RAB18: variants seen among roughly 807,000 people sequenced by gnomAD.
RAB18 encodes RAB18, member RAS oncogene family.
In RAB18, 10 loss-of-function variants were observed where a neutral mutation model predicts 28.5. The ratio of observed to expected loss-of-function variants is 0.35; its 90% CI spans 0.22 to 0.60. The LOEUF (loss-of-function observed/expected upper bound fraction) is 0.60, where lower values mean the gene tolerates loss of function less well. Among genes scored for constraint, RAB18 ranks in the 20% least tolerant of loss-of-function variants. RAB18 has a pLI of 0.78. For missense variants in RAB18, 188 were observed against 244.2 expected (o/e 0.77, Z 1.53); for synonymous variants, 93 against 86.9 (o/e 1.07, Z -0.39).
chr10:27,521,623 C>T (rs983481158), intron 2 of RAB18, among the ~76,000 whole-genome samples: 2 of 152,068 alleles, frequency 1.3e-5, no homozygotes, highest in African/African-American at 4.8e-5. Context: ...TGTATGTTCT[C>T]ATTTATAAGT....
chr10:27,506,061 G>C (rs979195743), intron 1 of RAB18, among the ~76,000 whole-genome samples: 1 of 152,080 alleles, frequency 6.6e-6, no homozygotes, highest in Non-Finnish European at 1.5e-5. Context: ...AAAGTTAAAC[G>C]TTGTCTTAAT....
chr10:27,506,807 C>G (rs1207725514), intron 1 of RAB18, among the ~76,000 whole-genome samples: 1 of 152,110 alleles, frequency 6.6e-6, no homozygotes. Context: ...ATCAGTCTCC[C>G]TAGTTCATGC....
At chr10:27,509,727 C>T (rs1834287265) in intron 1 of RAB18, 148 bp from the exon 2 acceptor site, 1 of 710,284 alleles carries the variant, frequency 1.4e-6, no homozygotes, top group Non-Finnish European at 2.5e-6. Context: ...TCTGTGTATA[C>T]CTGCTCTGAG....
chr10:27,520,625 T>C (rs1335673906), intron 2 of RAB18, among the ~76,000 whole-genome samples: 1 of 152,104 alleles, frequency 6.6e-6, no homozygotes, highest in Non-Finnish European at 1.5e-5. Flanking sequence ...TTTACAGCTA[T>C]AAATTTCTGT....
intron 2 of RAB18, among the ~76,000 whole-genome samples, chr10:27,515,565 T>C (rs1373854984): frequency 6.6e-6 from 1 of 152,074 alleles, no homozygotes; most frequent in Non-Finnish European, 1.5e-5. Flanking sequence ...CTTAGTGAGC[T>C]TTCAAAAATA....
chr10:27,537,576 A>G (rs1834925464), intron 6 of RAB18, among the ~76,000 whole-genome samples: 1 of 152,248 alleles, frequency 6.6e-6, no homozygotes, highest in Non-Finnish European at 1.5e-5. Flanking sequence ...GCTTAAGGAA[A>G]AAACTTTCGC....
chr10:27,541,156 A>C lies in RAB18; in HGVS notation c.*3105A>C. On this transcript the variant is annotated 3_prime_UTR_variant, in exon 7 of 7. Coordinates refer to ENST00000356940, the MANE Select transcript of RAB18 (RefSeq NM_021252.5). ...TTGTCTTTCCTGTATTTCCCTAGTTAAGTATAGGGGTAAAAACGTTATTCA... is the reference window on the plus strand; with the variant it reads ...TTGTCTTTCCTGTATTTCCCTAGTTCAGTATAGGGGTAAAAACGTTATTCA... The C allele has an allele frequency of 4.4e-6, 2 of 453,992 alleles. No homozygotes were observed. The highest frequency in any genetic ancestry group is 8.8e-6 in the Non-Finnish European group (2 of 226,778). 28.1% of individuals were successfully genotyped at this position (453,992 alleles called of 1,614,324 possible).
chr10:27,541,675 A>C lies in RAB18; in HGVS notation c.*3624A>C. ...CTCTTTTTTAACCGGAGAAGCAACA[A>C]ATTACGTAGTTTTTTTTGTGTTTCT... On this transcript the variant is annotated 3_prime_UTR_variant, in exon 7 of 7. Transcript: ENST00000356940. The C allele has an allele frequency of 2.2e-6, 1 of 445,186 alleles. No individual in the cohort carries two copies. The allele number at this position is 445,186 out of a possible 1,614,324, so 27.6% of individuals were successfully genotyped here.
intron 2 of RAB18, among the ~76,000 whole-genome samples, chr10:27,511,264 A>G (rs1217903599): frequency 1.3e-5 from 2 of 152,162 alleles, no homozygotes; most frequent in Non-Finnish European, 2.9e-5. Flanking sequence ...GTGCAGTGGC[A>G]CCAACTCAGC....
At chr10:27,521,074 T>A (rs1226735090) in intron 2 of RAB18, among the ~76,000 whole-genome samples, 1 of 152,132 alleles carries the variant, frequency 6.6e-6, no homozygotes, top group East Asian at 1.9e-4. Flanking sequence ...GGGTATTGTT[T>A]CATTTTCACG....
chr10:27,527,656 A>G (rs1834705795), intron 3 of RAB18, among the ~76,000 whole-genome samples: 1 of 151,972 alleles, frequency 6.6e-6, no homozygotes. Context: ...AATTATACAT[A>G]TATGTTTGTA....
intron 1 of RAB18, among the ~76,000 whole-genome samples, chr10:27,508,596 C>A (rs2505306): frequency 4.6e-5 from 7 of 152,314 alleles, no homozygotes; most frequent in African/African-American, 1.7e-4. Flanking sequence ...TTCCAAGTAA[C>A]TAAATATAGT....
chr10:27,510,505 G>A (rs1834303856), intron 2 of RAB18: 1 of 160,332 alleles, frequency 6.2e-6, no homozygotes, highest in African/African-American at 2.4e-5. Context: ...TAACTTATGA[G>A]AATATATGAG....
chr10:27,536,088 A>AT (rs1475961073), intron 6 of RAB18, among the ~76,000 whole-genome samples: 1 of 151,898 alleles, frequency 6.6e-6, no homozygotes. Flanking sequence ...TCTCAAAAAA[A>AT]AAAAAAGAGA....
chr10:27,508,009 CCTCT>C (rs1222565003), intron 1 of RAB18, among the ~76,000 whole-genome samples: 3 of 149,258 alleles, frequency 2.0e-5, no homozygotes, highest in African/African-American at 7.4e-5. Flanking sequence ...AGAGTGAGAC[CCTCT>C]CTCTTAAAAA....
At chr10:27,535,260 G>C (rs1304532541) in intron 6 of RAB18, among the ~76,000 whole-genome samples, 1 of 152,110 alleles carries the variant, frequency 6.6e-6, no homozygotes, top group Non-Finnish European at 1.5e-5. Context: ...GAGATTTTGT[G>C]CTTTTTTTTA....
intron 2 of RAB18, among the ~76,000 whole-genome samples, chr10:27,520,859 G>A (rs1298254553): frequency 7.4e-6 from 1 of 134,426 alleles, no homozygotes; most frequent in Non-Finnish European, 1.6e-5. Context: ...AGAAGTTGCA[G>A]TGAGCCGGTA....
chr10:27,510,194 CT>C, intron 2 of RAB18: 1 of 502,220 alleles, frequency 2.0e-6, no homozygotes, highest in Non-Finnish European at 3.6e-6. Context: ...ACACATTTCT[CT>C]CCTATACTAT....
chr10:27,538,756 G>A lies in RAB18; in HGVS notation c.*705G>A, dbSNP rs911430233. The A allele has an allele frequency of 1.1e-5, 5 of 453,928 alleles. No individual in the cohort carries two copies. Among genetic ancestry groups the A allele is most frequent in the East Asian group, 6.9e-5 (1 of 14,398 alleles). 28.1% of individuals were successfully genotyped at this position (453,928 alleles called of 1,614,324 possible). ...ATGACTGTGCAGCATTTTTAGTTAT[G>A]TGGTGTTTGGCAGAATGACAATAAG... On this transcript the variant is annotated 3_prime_UTR_variant, in exon 7 of 7. Transcript: ENST00000356940.
Sources: allele counts gnomAD v4.1 joint callset (sites outside exome capture counted in the v4.1 genomes callset), GRCh38; gene constraint gnomAD v4.1.1; transcripts MANE v1.5; gene names NCBI Gene and HGNC (gene_info 2026-07-23, HGNC 2026-07-21).